The following ITGA11 variants were observed in gnomAD, a reference collection of about 807,000 sequenced individuals.
ITGA11 encodes the protein integrin subunit alpha 11.
ITGA11 carries 97 observed loss-of-function variants against 141.9 expected under a neutral mutation model. The ratio of observed to expected loss-of-function variants is 0.68; its 90% CI spans 0.58 to 0.81. ITGA11 has a LOEUF of 0.81. Ranked by LOEUF, ITGA11 falls within the 30% of genes least tolerant of loss-of-function variation. The pLI, the probability that ITGA11 is intolerant of heterozygous loss-of-function variation, is 0.00. For synonymous variants in ITGA11, 658 were observed against 624.6 expected (o/e 1.05, Z -0.80); for missense variants, 1,387 against 1,559.2 (o/e 0.89, Z 1.86).
intron 7 of ITGA11, 21 bp from the exon 8 acceptor site, chr15:68,351,423 C>T (rs1348217117): frequency 1.2e-6 from 2 of 1,612,344 alleles, no homozygotes; most frequent in African/African-American, 1.3e-5. Context: ...AGCACAGGGG[C>T]AGGGTCATGA....
chr15:68,325,423 G>A lies in ITGA11; in HGVS notation c.2212-182C>T, dbSNP rs961445014. Among the ~76,000 whole-genome samples the A allele has an allele frequency of 6.6e-6, 1 of 152,184 alleles. No homozygotes were observed. The highest frequency in any genetic ancestry group is 2.4e-5 in the African/African-American group (1 of 41,440). On this transcript the variant is annotated intron_variant, in intron 17 of 29. Transcript: ENST00000315757. This position sits in a 1 kb window ranked among gnomAD's most constrained non-coding sequence, Gnocchi z 5.5. ...GCGGGTCTGTTGGTGGGAAGAGTGT[G>A]CTTCTGTGAAAGGAGCTCCAAGCTC...
chr15:68,319,401 T>C (rs1595856452), intron 20 of ITGA11, among the ~76,000 whole-genome samples: 1 of 152,102 alleles, frequency 6.6e-6, no homozygotes, highest in East Asian at 1.9e-4. Context: ...GGTCACCAAG[T>C]GGGAGCAGGA....
In ITGA11 at chr15:68,310,980, TGG is replaced by T; in HGVS notation, c.3174+12_3174+13del. On this transcript the variant is annotated intron_variant, in intron 26 of 29. Coordinates refer to ENST00000315757, the MANE Select transcript of ITGA11 (RefSeq NM_001004439.2). ...ACCCCAACCACTGTGGCTCTCGGTC[TGG>T]GGGACACTCACCAGCTGTGGAGCAC... 1 of 1,589,984 alleles carries T rather than the reference TGG, an allele frequency of 6.3e-7. No homozygotes were observed.
rs1445962034 is a variant in ITGA11 at position 68,335,669 on chromosome 15, T to A, written c.1425+28A>T. 6.2e-7 allele frequency: 1 copy of A among 1,611,096 alleles called. No individual in the cohort carries two copies. Among genetic ancestry groups the A allele is most frequent in the Non-Finnish European group, 8.5e-7 (1 of 1,178,516 alleles). On this transcript the variant is annotated intron_variant, in intron 12 of 29. Transcript: ENST00000315757. The surrounding 1 kb of genome is among the most constrained non-coding windows in gnomAD (Gnocchi z 4.9). ...TCTGATCTGCCCCCTCTTCCCTCCATCCCGGCCCCAGGCTCCCCCTCCATT... is the reference window on the plus strand; with the variant it reads ...TCTGATCTGCCCCCTCTTCCCTCCAACCCGGCCCCAGGCTCCCCCTCCATT...
chr15:68,357,101 A>G, intron 7 of ITGA11, 50 bp downstream of exon 7: 1 of 1,557,972 alleles, frequency 6.4e-7, no homozygotes, highest in Non-Finnish European at 8.8e-7. Flanking sequence ...AGATAACTAC[A>G]ATAGCATCTG....
In ITGA11 at chr15:68,326,590, T is replaced by C; in HGVS notation, c.2211+64A>G. The stretch of plus-strand genomic sequence containing the variant: ...GAACCAGCCAGGCAGACTCTCTGCC[T>C]CTCCCACGGCAGATGCTCCTTCCTA... On this transcript the variant is annotated intron_variant, in intron 17 of 29. Transcript: ENST00000315757. The surrounding 1 kb of genome is among the most constrained non-coding windows in gnomAD (Gnocchi z 6.8). 6.7e-7 allele frequency: 1 copy of C among 1,495,454 alleles called. No homozygotes were observed. The highest frequency in any genetic ancestry group is 9.0e-7 in the Non-Finnish European group (1 of 1,112,342). The allele number at this position is 1,495,454 out of a possible 1,614,324, so 92.6% of individuals were successfully genotyped here.
chr15:68,381,049 C>G lies in ITGA11; in HGVS notation c.165-11765G>C, dbSNP rs552819809. Among the ~76,000 whole-genome samples, 13 of 152,272 alleles carry G rather than the reference C, an allele frequency of 8.5e-5. No individual in the cohort carries two copies. In the South Asian group the frequency reaches 2.5e-3, roughly 29 times the overall value. ...TTGGATTCAGGCACTGAGGGCCACT[C>G]TCAGTGTAAGCCTGGAACGGAGTTA... On this transcript the variant is annotated intron_variant, in intron 2 of 29. Transcript: ENST00000315757.
At chr15:68,403,096 G>A (rs1220295237) in intron 1 of ITGA11, 67 bp from the exon 2 acceptor site, 3 of 1,066,326 alleles carry the variant, frequency 2.8e-6, no homozygotes, top group Non-Finnish European at 4.3e-6. Flanking sequence ...GCCCTGGGCT[G>A]TGTCAGGACC....
chr15:68,374,132 A>T (rs1231304985), intron 2 of ITGA11, among the ~76,000 whole-genome samples: 2 of 152,240 alleles, frequency 1.3e-5, no homozygotes, highest in Non-Finnish European at 2.9e-5. Context: ...AGGGAGAAGC[A>T]GATTCATATC....
At position 68,324,002 on chromosome 15, in the gene ITGA11, T is replaced by G. The variant is rs1021003048; in HGVS notation, c.2322+1129A>C. Reference sequence around the variant, plus strand: ...TGCTTGTGGGGTGAGTGCCACGTACTCATTCATTTGCCATAGTGACTTTGT... The same window carrying G: ...TGCTTGTGGGGTGAGTGCCACGTACGCATTCATTTGCCATAGTGACTTTGT... On this transcript the variant is annotated intron_variant, in intron 18 of 29. Transcript: ENST00000315757. This position sits in a 1 kb window ranked among gnomAD's most constrained non-coding sequence, Gnocchi z 6.3. Among the ~76,000 whole-genome samples the G allele has an allele frequency of 1.3e-5, 2 of 152,206 alleles. No individual in the cohort carries two copies. Among genetic ancestry groups the G allele is most frequent in the Non-Finnish European group, 2.9e-5 (2 of 68,042 alleles).
chr15:68,374,050 A>G (rs1479630563), intron 2 of ITGA11, among the ~76,000 whole-genome samples: 1 of 152,232 alleles, frequency 6.6e-6, no homozygotes, highest in African/African-American at 2.4e-5. Context: ...AAAAGTGCAC[A>G]TAGTTAAAAT....
At chr15:68,360,545 G>A (rs1895209743) in intron 5 of ITGA11, among the ~76,000 whole-genome samples, 1 of 152,114 alleles carries the variant, frequency 6.6e-6, no homozygotes, top group Non-Finnish European at 1.5e-5. Context: ...CCCACATGGG[G>A]TGCCCTGGAA....
At position 68,315,731 on chromosome 15, in the gene ITGA11, C is replaced by A; in HGVS notation, c.2716-4G>T. On this transcript the variant is annotated splice_polypyrimidine_tract_variant and splice_region_variant and intron_variant, in intron 21 of 29. Coordinates refer to ENST00000315757, the MANE Select transcript of ITGA11 (RefSeq NM_001004439.2). ...CAAAATCAAGACGGAAAGCCACCTG[C>A]AAGGAAGCAGTCGCATGTCTGGGCA... is the stretch of plus-strand genomic sequence containing the variant. 1 of 1,608,214 alleles carries A rather than the reference C, an allele frequency of 6.2e-7. No individual in the cohort carries two copies. Among genetic ancestry groups the A allele is most frequent in the South Asian group, 1.1e-5 (1 of 89,988 alleles).
At position 68,385,641 on chromosome 15, in the gene ITGA11, C is replaced by A. The variant is rs16952005; in HGVS notation, c.165-16357G>T. 4.1e-3 allele frequency among the ~76,000 whole-genome samples: 623 copies of A among 152,302 alleles called. 30 individuals are homozygous for A. In the East Asian group the frequency reaches 0.099, roughly 24 times the overall value. ...AAATATCATCTACAAAGTCTTGAGA[C>A]ATGAGATCTGCGATGGTGGGTGAAC... On this transcript the variant is annotated intron_variant, in intron 2 of 29. Coordinates refer to ENST00000315757, the MANE Select transcript of ITGA11 (RefSeq NM_001004439.2).
intron 7 of ITGA11, among the ~76,000 whole-genome samples, chr15:68,352,193 T>G (rs966783061): frequency 6.6e-6 from 1 of 150,406 alleles, no homozygotes; most frequent in African/African-American, 2.4e-5. Context: ...GATATTAGTT[T>G]TTTTTTTTTT....
intron 12 of ITGA11, among the ~76,000 whole-genome samples, chr15:68,334,603 G>A (rs928903654): frequency 5.3e-5 from 8 of 151,992 alleles, no homozygotes; most frequent in Non-Finnish European, 8.8e-5. Flanking sequence ...GGGAAGAGAT[G>A]TGCCTACATA....
chr15:68,398,782 A>G (rs1395459130), intron 2 of ITGA11, among the ~76,000 whole-genome samples: 1 of 146,972 alleles, frequency 6.8e-6, no homozygotes, highest in Non-Finnish European at 1.5e-5. Flanking sequence ...AATGAAATGA[A>G]TAGTATAAAA....
At chr15:68,363,329 T>C (rs941180117) in intron 4 of ITGA11, among the ~76,000 whole-genome samples, 28 of 152,018 alleles carry the variant, frequency 1.8e-4, no homozygotes, top group African/African-American at 6.0e-4. Context: ...GAAGAAGAAA[T>C]GTGATAAGGA....
chr15:68,428,811 A>G (rs532935041), intron 1 of ITGA11, among the ~76,000 whole-genome samples: 1 of 152,128 alleles, frequency 6.6e-6, no homozygotes, highest in African/African-American at 2.4e-5. Flanking sequence ...ACACCACAAT[A>G]CACCCACATC....
Sources: allele counts gnomAD v4.1 joint callset (sites outside exome capture counted in the v4.1 genomes callset), GRCh38; gene constraint gnomAD v4.1.1; non-coding constraint Gnocchi (gnomAD v3.1); transcripts MANE v1.5; gene names NCBI Gene and HGNC (gene_info 2026-07-23, HGNC 2026-07-21).